The following SPTB variants were observed in gnomAD, a reference collection of about 807,000 sequenced individuals.
The protein encoded by SPTB is spectrin beta, erythrocytic, also known as spectrin beta chain, erythrocytic.
Under a neutral mutation model 256.2 loss-of-function variants are expected in SPTB, and 45 were observed. The observed-to-expected ratio is 0.18, with a 90% CI of 0.14 to 0.23. The LOEUF (loss-of-function observed/expected upper bound fraction) is 0.23, where lower values mean the gene tolerates loss of function less well. SPTB is among the 10% of genes least tolerant of loss of function. SPTB has a pLI of 1.00. For missense variants in SPTB, 2,715 were observed against 3,040.4 expected (o/e 0.89, Z 2.52); for synonymous variants, 1,231 against 1,243.1 (o/e 0.99, Z 0.21).
In SPTB at chr14:64,802,123, T is replaced by C; in HGVS notation, c.566+103A>G. ...TGCATCAATTACAGGGAGGCAGCTG[T>C]AGTTCTGGGTGATGATGTCTAATGT... is the stretch of plus-strand genomic sequence containing the variant. On this transcript the variant is annotated intron_variant, in intron 5 of 35. Transcript: ENST00000644917. This position sits in a 1 kb window ranked among gnomAD's most constrained non-coding sequence, Gnocchi z 5.1. The C allele has an allele frequency of 1.8e-6, 2 of 1,100,946 alleles. No homozygotes were observed. The highest frequency in any genetic ancestry group is 2.8e-6 in the Non-Finnish European group (2 of 725,932). The allele number at this position is 1,100,946 out of a possible 1,614,324, so 68.2% of individuals were successfully genotyped here.
rs762405062 is a variant in SPTB at position 64,846,446 on chromosome 14, T to TAG, written c.-51-23303_-51-23302dup. Among the ~76,000 whole-genome samples, 46 of 152,106 alleles carry TAG rather than the reference T, an allele frequency of 3.0e-4. 1 individual carries two copies. The highest frequency in any genetic ancestry group is 1.5e-4 in the Non-Finnish European group (10 of 68,006). On this transcript the variant is annotated intron_variant, in intron 1 of 35. Transcript: ENST00000644917. ...CAGCTGCAGAAAGCCTGCACAGATATAGAGAGAGAGCACCTAGGTGCCTGA... is the reference window on the plus strand; with the variant it reads ...CAGCTGCAGAAAGCCTGCACAGATATAGAGAGAGAGAGCACCTAGGTGCCTGA...
chr14:64,831,310 C>T (rs2083447986), intron 1 of SPTB, among the ~76,000 whole-genome samples: 1 of 152,236 alleles, frequency 6.6e-6, no homozygotes, highest in Non-Finnish European at 1.5e-5. Context: ...TTAACATGCA[C>T]AAGTCTTTCC....
rs1385574017 is a variant in SPTB, at chr14:64,844,283, T to A, written c.-51-21138A>T. Among the ~76,000 whole-genome samples the A allele has an allele frequency of 2.0e-5, 3 of 152,204 alleles. No individual in the cohort carries two copies. The East Asian group carries it at 5.8e-4, about 29-fold the overall frequency. On this transcript the variant is annotated intron_variant, in intron 1 of 35. Transcript: ENST00000644917. This position sits in a 1 kb window ranked among gnomAD's most constrained non-coding sequence, Gnocchi z 4.1. ...GCAAATGCACGTCCTCAGTTGTGAA[T>A]TATCCACCTATGTGTGAAGGGACCA...
At position 64,746,587 on chromosome 14, in the gene SPTB, G is replaced by A. The variant is rs574237986; in HGVS notation, c.*2719C>T. ...AGCCTAGGGGACCCTGGCTCCCTCC[G>A]ATAGGCAGGAAGGAGGAGGGATGCG... is the stretch of plus-strand genomic sequence containing the variant. On this transcript the variant is annotated 3_prime_UTR_variant, in exon 36 of 36. Coordinates refer to ENST00000644917, the MANE Select transcript of SPTB (RefSeq NM_001355436.2). The surrounding 1 kb of genome is among the most constrained non-coding windows in gnomAD (Gnocchi z 4.9). The A allele has an allele frequency of 5.9e-5, 9 of 152,490 alleles. No individual in the cohort carries two copies. The highest frequency in any genetic ancestry group is 1.3e-4 in the Admixed American group (2 of 15,274). The allele number at this position is 152,490 out of a possible 1,614,324, so 9.4% of individuals were successfully genotyped here. A position where few individuals can be genotyped will look rare whatever the true frequency, so the allele number is the denominator to read the frequency against.
chr14:64,782,608 G>A, intron 19 of SPTB, 55 bp from the exon 20 acceptor site: 1 of 1,608,526 alleles, frequency 6.2e-7, no homozygotes, highest in Non-Finnish European at 8.5e-7. Context: ...CCTTGGATCA[G>A]CCCTGCTCCT....
Position 64,879,801 on chromosome 14 carries a change from G to T in SPTB, c.-61C>A. On this transcript the variant is annotated 5_prime_UTR_variant, in exon 1 of 36. Coordinates refer to ENST00000644917, the MANE Select transcript of SPTB (RefSeq NM_001355436.2). ...CCCTCCTGGGACTCACCTGCCCTGG[G>T]ACTGAAGCGGGGGCCACCCCGAGCC... 6.5e-6 allele frequency: 1 copy of T among 153,156 alleles called. No homozygotes were observed. Among genetic ancestry groups the T allele is most frequent in the South Asian group, 1.9e-4 (1 of 5,340 alleles). 9.5% of individuals were successfully genotyped at this position (153,156 alleles called of 1,614,324 possible).
chr14:64,753,883 C>T, intron 32 of SPTB, 90 bp from the exon 33 acceptor site: 1 of 1,530,864 alleles, frequency 6.5e-7, no homozygotes, highest in Non-Finnish European at 8.9e-7. Flanking sequence ...CAGCAGCCAC[C>T]CTCTCCACAC....
rs980602524 is a variant in SPTB at position 64,786,510 on chromosome 14, G to C, written c.3455C>G (p.Ala1152Gly). ...GCGGCTCTCCCACATCCTGCCCAGG[G>C]CATTCCAGCCAGTATCCAGGCCCTC... ...RLEGLDTGWNALGRMWESRSH... is the reference protein window; with the variant it reads ...RLEGLDTGWNGLGRMWESRSH... Residue 1152 changes from alanine to glycine, a missense_variant, in exon 16 of 36, where the codon GCC becomes GGC. Physicochemically the swap from Ala to Gly is moderately conservative, Grantham distance 60. Coordinates refer to ENST00000644917, the MANE Select transcript of SPTB (RefSeq NM_001355436.2). The surrounding 1 kb of genome is among the most constrained non-coding windows in gnomAD (Gnocchi z 5.6). 1.1e-5 allele frequency: 18 copies of C among 1,613,872 alleles called. No homozygotes were observed. The highest frequency in any genetic ancestry group is 2.5e-6 in the Non-Finnish European group (3 of 1,180,028).
chr14:64,770,803 G>A lies in SPTB; in HGVS notation c.5798+82C>T. The A allele has an allele frequency of 1.9e-6, 3 of 1,596,792 alleles. 1 individual carries two copies. The highest frequency in any genetic ancestry group is 2.2e-5 in the South Asian group (2 of 90,128). On this transcript the variant is annotated intron_variant, in intron 27 of 35. Coordinates refer to ENST00000644917, the MANE Select transcript of SPTB (RefSeq NM_001355436.2). The stretch of plus-strand genomic sequence containing the variant: ...AGTCCAGGACTGTCCCTTCACGGAG[G>A]AGCCACAGTGCAGCACCCTGGTTGG...
At chr14:64,766,660 G>A (rs537263010) in intron 32 of SPTB, 66 bp downstream of exon 32, 1 of 1,613,234 alleles carries the variant, frequency 6.2e-7, no homozygotes, top group East Asian at 2.2e-5. Flanking sequence ...GCTGAGCCTA[G>A]TAGGGGTGAG....
chr14:64,847,742 T>C lies in SPTB; in HGVS notation c.-51-24597A>G, dbSNP rs1250497976. Among the ~76,000 whole-genome samples, 1 of 152,196 alleles carries C rather than the reference T, an allele frequency of 6.6e-6. No individual in the cohort carries two copies. The highest frequency in any genetic ancestry group is 1.5e-5 in the Non-Finnish European group (1 of 68,032). On this transcript the variant is annotated intron_variant, in intron 1 of 35. Coordinates refer to ENST00000644917, the MANE Select transcript of SPTB (RefSeq NM_001355436.2). This position sits in a 1 kb window ranked among gnomAD's most constrained non-coding sequence, Gnocchi z 5.9. ...TCTAAATAAACCACTTGAAACTCAT[T>C]GCAGAGTTCATGCCTAACACAGCAT...
chr14:64,840,957 G>C (rs182771506), intron 1 of SPTB, among the ~76,000 whole-genome samples: 14 of 152,340 alleles, frequency 9.2e-5, no homozygotes, highest in African/African-American at 3.4e-4. Context: ...GGAGCTTATA[G>C]TCAGGAAGGT....
chr14:64,802,302 C>A lies in SPTB; in HGVS notation c.490G>T (p.Val164Phe), dbSNP rs773327035. The change falls in exon 5 of 36, where the codon GTC becomes TTC. Residue 164 changes from valine (V) to phenylalanine (F), a missense_variant. Transcript: ENST00000644917. This position sits in a 1 kb window ranked among gnomAD's most constrained non-coding sequence, Gnocchi z 5.1. The stretch of plus-strand genomic sequence containing the variant: ...GTTTCACGACCTTCCTGAGTTTGGA[C>A]CACAATGTCCTGAATCTGAGGGTAG... ...ILRFQIQDIVVQTQEGRETRS... is the reference protein window; with the variant it reads ...ILRFQIQDIVFQTQEGRETRS... 2 of 1,614,022 alleles carry A rather than the reference C, an allele frequency of 1.2e-6. No homozygotes were observed. The highest frequency in any genetic ancestry group is 1.7e-6 in the Non-Finnish European group (2 of 1,180,030).
intron 20 of SPTB, among the ~76,000 whole-genome samples, chr14:64,780,603 A>G (rs170684): frequency 0.34 from 51,891 of 151,818 alleles, 11,223 homozygotes; most frequent in African/African-American, 0.61. Context: ...AGTAGAGACA[A>G]GGTTTCTCCA....
intron 1 of SPTB, among the ~76,000 whole-genome samples, chr14:64,872,115 A>G (rs562609329): frequency 1.3e-5 from 2 of 152,220 alleles, no homozygotes; most frequent in Non-Finnish European, 2.9e-5. Flanking sequence ...TGCCAAGACT[A>G]TTCCAAGTCA....
rs924735248 is a variant in SPTB, at chr14:64,758,440, C to T, written c.6346-4647G>A. On this transcript the variant is annotated intron_variant, in intron 32 of 35. Transcript: ENST00000644917. This position sits in a 1 kb window ranked among gnomAD's most constrained non-coding sequence, Gnocchi z 4.6. The stretch of plus-strand genomic sequence containing the variant: ...CCCCTTTAGGGTAGTGCAGAAGTGG[C>T]CTGAGGCCCTGCCTCAAGGCTTGGA... 6.6e-6 allele frequency among the ~76,000 whole-genome samples: 1 copy of T among 152,220 alleles called. No homozygotes were observed. The highest frequency in any genetic ancestry group is 1.5e-5 in the Non-Finnish European group (1 of 68,030).
intron 24 of SPTB, among the ~76,000 whole-genome samples, chr14:64,774,057 G>T (rs965738545): frequency 1.3e-5 from 2 of 152,162 alleles, no homozygotes; most frequent in African/African-American, 4.8e-5. Context: ...AGACCTTCTG[G>T]ACCATAAAAA....
chr14:64,782,649 T>TCTTCATAGAACTGGTAGCAAAAGGCTACC, intron 19 of SPTB, 96 bp from the exon 20 acceptor site: 1 of 1,554,214 alleles, frequency 6.4e-7, no homozygotes, highest in East Asian at 2.2e-5. Context: ...CAAGAGGAGG[T>TCTTCATAGAACTGGTAGCAAAAGGCTACC]CAGTAAGGCA....
chr14:64,767,194 T>C (rs770639307), intron 31 of SPTB, 109 bp downstream of exon 31: 15 of 1,397,866 alleles, frequency 1.1e-5, no homozygotes, highest in Admixed American at 1.7e-5. Context: ...GGGTGCCCAG[T>C]GTGAGAAGTC....
Sources: allele counts gnomAD v4.1 joint callset (sites outside exome capture counted in the v4.1 genomes callset), GRCh38; gene constraint gnomAD v4.1.1; non-coding constraint Gnocchi (gnomAD v3.1); transcripts MANE v1.5; gene names NCBI Gene and HGNC (gene_info 2026-07-23, HGNC 2026-07-21).